Variants in CLEC7A observed in about 807,000 individuals in gnomAD.
The protein encoded by CLEC7A is C-type lectin domain containing 7A, also known as C-type lectin domain family 7 member A.
Under a neutral mutation model 26.9 loss-of-function variants are expected in CLEC7A, and 25 were observed. The observed-to-expected ratio is 0.93, with a 90% CI of 0.68 to 1.30. The LOEUF is 1.30. Among genes scored for constraint, CLEC7A ranks in the 50% most tolerant of loss-of-function variants. CLEC7A has a pLI of 0.00. For synonymous variants in CLEC7A, 100 were observed against 99.5 expected, an observed-to-expected ratio of 1.01 and a Z score of -0.03; for missense variants, 275 against 286.7, an observed-to-expected ratio of 0.96 and a Z score of 0.29.
Position 10,129,997 on chromosome 12 carries a change from G to C in CLEC7A, c.86C>G (p.Ala29Gly). The C allele has an allele frequency of 6.2e-7, 1 of 1,601,754 alleles. No individual in the cohort carries two copies. The stretch of plus-strand genomic sequence containing the variant: ...ATATATACCTTTCTCTGAAACAACA[G>C]CTATCCTGGTATTGCTTTGAGAGTC... ...HFDSQSNTRIAVVSEKGSCAA... is the reference protein window; with the variant it reads ...HFDSQSNTRIGVVSEKGSCAA... Residue 29 changes from alanine to glycine, a missense_variant, in exon 1 of 6, where the codon GCT (alanine) becomes GGT (glycine). Transcript: ENST00000304084.
chr12:10,124,556 A>G lies in CLEC7A; in HGVS notation c.492+741T>C, dbSNP rs147160522. Among the ~76,000 whole-genome samples the G allele has an allele frequency of 6.8e-3, 1,030 of 152,180 alleles. 19 individuals carry two copies. The highest frequency in any genetic ancestry group is 6.8e-3 in the Middle Eastern group (2 of 292). Reference sequence around the variant, plus strand: ...GCTTTTTTTTTACTTAAAAGATTATATGTGTCCTGTGATAGCAGGGTTATG... The same window carrying G: ...GCTTTTTTTTTACTTAAAAGATTATGTGTGTCCTGTGATAGCAGGGTTATG... On this transcript the variant is annotated intron_variant, in intron 4 of 5. Coordinates refer to ENST00000304084, the MANE Select transcript of CLEC7A (RefSeq NM_197947.3).
chr12:10,125,476 G>A (rs1948250526), intron 3 of CLEC7A, 28 bp from the exon 4 acceptor site: 1 of 1,583,598 alleles, frequency 6.3e-7, no homozygotes. Flanking sequence ...GTACCATGAG[G>A]TTCATAGCAT....
intron 5 of CLEC7A, among the ~76,000 whole-genome samples, chr12:10,120,337 T>C (rs565615478): frequency 6.6e-6 from 1 of 152,238 alleles, no homozygotes; most frequent in African/African-American, 2.4e-5. Context: ...TATATTACCT[T>C]CAAACAGATG....
In CLEC7A at chr12:10,118,351, T is replaced by G; in HGVS notation, c.*107A>C. 1 of 1,113,674 alleles carries G rather than the reference T, an allele frequency of 9.0e-7. No homozygotes were observed. Among genetic ancestry groups the G allele is most frequent in the South Asian group, 1.4e-5 (1 of 71,456 alleles). 69.0% of individuals were successfully genotyped at this position (1,113,674 alleles called of 1,614,324 possible). A position where few individuals can be genotyped will look rare whatever the true frequency, so the allele number is the denominator to read the frequency against. ...TAAGATTACAGTTGGCCAAGCTCTCTAAACATTTTCTGCATTTATCTTGAC... is the reference window on the plus strand; with the variant it reads ...TAAGATTACAGTTGGCCAAGCTCTCGAAACATTTTCTGCATTTATCTTGAC... On this transcript the variant is annotated 3_prime_UTR_variant, in exon 6 of 6. Coordinates refer to ENST00000304084, the MANE Select transcript of CLEC7A (RefSeq NM_197947.3).
chr12:10,121,879 G>A (rs932866271), intron 5 of CLEC7A, among the ~76,000 whole-genome samples: 5 of 152,074 alleles, frequency 3.3e-5, no homozygotes, highest in African/African-American at 1.2e-4. Context: ...ATGGTGGTGA[G>A]CGCCTGTAGT....
At chr12:10,127,226 A>T in intron 2 of CLEC7A, 2 of 1,278,262 alleles carry the variant, frequency 1.6e-6, no homozygotes, top group Non-Finnish European at 1.1e-6. Context: ...ATATCGACTT[A>T]AGACCAAGTG....
chr12:10,122,473 T>C (rs59913193), intron 5 of CLEC7A, among the ~76,000 whole-genome samples: 16,541 of 144,392 alleles, frequency 0.11, 978 homozygotes, highest in African/African-American at 0.21. Flanking sequence ...GAAAGCACTC[T>C]TTCTTTTTTT....
At chr12:10,118,641 T>C in intron 5 of CLEC7A, 51 bp from the exon 6 acceptor site, 2 of 1,494,776 alleles carry the variant, frequency 1.3e-6, no homozygotes, top group Non-Finnish European at 1.9e-6. Flanking sequence ...TAAGGAATAC[T>C]GTCTACATGG....
chr12:10,124,377 CCTTAT>C (rs2137436814), intron 4 of CLEC7A, among the ~76,000 whole-genome samples: 1 of 152,206 alleles, frequency 6.6e-6, no homozygotes, highest in East Asian at 1.9e-4. Context: ...CCTATTAACC[CCTTAT>C]CTTACCTCAT....
intron 5 of CLEC7A, among the ~76,000 whole-genome samples, chr12:10,118,829 C>T (rs1217595973): frequency 6.6e-6 from 1 of 150,796 alleles, no homozygotes; most frequent in African/African-American, 2.4e-5. Context: ...GCTGCATAAA[C>T]TAAAAAAAAA....
chr12:10,125,680 C>A (rs1241641846), intron 3 of CLEC7A, among the ~76,000 whole-genome samples: 2 of 152,118 alleles, frequency 1.3e-5, no homozygotes, highest in Non-Finnish European at 2.9e-5. Flanking sequence ...TTTAGGCAGC[C>A]AACCATCCTT....
chr12:10,123,459 TCACTTTGGTAAAGAATG>T (rs1431221911), intron 4 of CLEC7A, 96 bp from the exon 5 acceptor site: 4 of 853,896 alleles, frequency 4.7e-6, no homozygotes, highest in Non-Finnish European at 7.6e-6. Flanking sequence ...ACTGATTGAA[TCACTTTGGTAAAGAATG>T]CAAGGCCGGG....
chr12:10,124,532 CT>C (rs547520109), intron 4 of CLEC7A, among the ~76,000 whole-genome samples: 2 of 150,982 alleles, frequency 1.3e-5, no homozygotes, highest in African/African-American at 2.4e-5. Flanking sequence ...TGCTGAGTTG[CT>C]TTTTTTTTAC....
At chr12:10,123,925 A>G (rs1948189045) in intron 4 of CLEC7A, among the ~76,000 whole-genome samples, 1 of 152,238 alleles carries the variant, frequency 6.6e-6, no homozygotes, top group Non-Finnish European at 1.5e-5. Context: ...TGAGGACTGT[A>G]CTGCCTCCAT....
rs10845048 is a variant in CLEC7A, at chr12:10,118,174, C to G, written c.*284G>C. 0.12 allele frequency: 36,960 copies of G among 303,912 alleles called. 3,431 individuals carry two copies. Among genetic ancestry groups the G allele is most frequent in the African/African-American group, 0.33 (14,493 of 44,510 alleles). 18.8% of individuals were successfully genotyped at this position (303,912 alleles called of 1,614,324 possible). On this transcript the variant is annotated 3_prime_UTR_variant, in exon 6 of 6. Transcript: ENST00000304084. Reference sequence around the variant, plus strand: ...CCAGCCTGGGTAACAAAGTGAGACCCTATCTCAAAAAAATAAATAAATAAA... The same window carrying G: ...CCAGCCTGGGTAACAAAGTGAGACCGTATCTCAAAAAAATAAATAAATAAA...
rs774488600 is a variant in CLEC7A at position 10,126,709 on chromosome 12, C to T, written c.203-1G>A. On this transcript the variant is annotated splice_acceptor_variant, in intron 2 of 5. Coordinates refer to ENST00000304084, the MANE Select transcript of CLEC7A (RefSeq NM_197947.3). LOFTEE classifies it high-confidence loss of function. ...CTTCCTGAATTGGATCTCCAAATAG[C>T]TTCACATACCAACAATAATAATAGT... 6.9e-6 allele frequency: 11 copies of T among 1,605,382 alleles called. No individual in the cohort carries two copies. The African/African-American group carries it at 9.4e-5, about 14-fold the overall frequency.
chr12:10,129,883 G>T, intron 1 of CLEC7A, 97 bp downstream of exon 1: 4 of 668,128 alleles, frequency 6.0e-6, no homozygotes, highest in African/African-American at 1.8e-5. Flanking sequence ...CTCCCAAAGT[G>T]CTGGGATTAC....
Position 10,118,235 on chromosome 12 carries a change from G to T in CLEC7A, c.*223C>A. The T allele has an allele frequency of 4.0e-6, 2 of 496,332 alleles. No homozygotes were observed. Among genetic ancestry groups the T allele is most frequent in the Non-Finnish European group, 7.0e-6 (2 of 285,452 alleles). 30.7% of individuals were successfully genotyped at this position (496,332 alleles called of 1,614,324 possible). A position where few individuals can be genotyped will look rare whatever the true frequency, so the allele number is the denominator to read the frequency against. ...TCAAGCTTGGCTGCCCTGATTCCAT[G>T]TCTAGGGATCTACTAACTAGAAAAA... On this transcript the variant is annotated 3_prime_UTR_variant, in exon 6 of 6. Coordinates refer to ENST00000304084, the MANE Select transcript of CLEC7A (RefSeq NM_197947.3).
At chr12:10,125,865 A>T (rs1948265023) in intron 3 of CLEC7A, among the ~76,000 whole-genome samples, 1 of 152,196 alleles carries the variant, frequency 6.6e-6, no homozygotes, top group Non-Finnish European at 1.5e-5. Flanking sequence ...CAAGTGAGAA[A>T]AGTATAGGCC....
Sources: gnomAD v4.1 joint callset for allele counts (sites outside exome capture counted in the v4.1 genomes callset) on GRCh38, gnomAD v4.1.1 for gene constraint, MANE v1.5 for transcripts, NCBI Gene and HGNC (gene_info 2026-07-23, HGNC 2026-07-21) for gene names.